ANKRD17: variants seen among roughly 807,000 people sequenced by gnomAD.
The protein encoded by ANKRD17 is ankyrin repeat domain-containing protein 17.
In ANKRD17, 19 loss-of-function variants were observed where a neutral mutation model predicts 229.7. The ratio of observed to expected loss-of-function variants is 0.08; its 90% confidence interval spans 0.06 to 0.12. The LOEUF (loss-of-function observed/expected upper bound fraction) is 0.12. Among genes scored for constraint, ANKRD17 ranks in the 10% least tolerant of loss-of-function variants. The pLI, the probability that ANKRD17 is intolerant of heterozygous loss-of-function variation, is 1.00. For synonymous variants in ANKRD17, 1,112 were observed against 1,146.1 expected, an observed-to-expected ratio of 0.97 and a Z score of 0.60; for missense variants, 2,176 against 3,176.8, an observed-to-expected ratio of 0.68 and a Z score of 7.57.
At chr4:73,100,746 G>A (rs1310531381) in intron 25 of ANKRD17, 2 of 656,318 alleles carry the variant, frequency 3.0e-6, no homozygotes, top group African/African-American at 2.0e-5. Flanking sequence ...TGACATAGAG[G>A]TATTTACCAT....
At position 73,135,385 on chromosome 4, in the gene ANKRD17, T is replaced by C. The variant is rs918971681; in HGVS notation, c.3086-120A>G. 9 of 874,680 alleles carry C rather than the reference T, an allele frequency of 1.0e-5. No homozygotes were observed. In the African/African-American group the frequency reaches 1.0e-4, roughly 10 times the overall value. 54.2% of individuals were successfully genotyped at this position (874,680 alleles called of 1,614,324 possible). On this transcript the variant is annotated intron_variant, in intron 15 of 33. Transcript: ENST00000358602. Reference sequence around the variant, plus strand: ...CAATATGTCTACAGGAAGACTACTATAGCACTAATAACTAATTTTCCTGGT... The same window carrying C: ...CAATATGTCTACAGGAAGACTACTACAGCACTAATAACTAATTTTCCTGGT...
chr4:73,111,361 G>T (rs1036528820), intron 24 of ANKRD17, among the ~76,000 whole-genome samples: 1 of 152,108 alleles, frequency 6.6e-6, no homozygotes, highest in Non-Finnish European at 1.5e-5. Context: ...ATAACTGAGG[G>T]CTACTAAGTG....
At chr4:73,157,175 T>C (rs1731775366) in intron 3 of ANKRD17, among the ~76,000 whole-genome samples, 1 of 152,170 alleles carries the variant, frequency 6.6e-6, no homozygotes, top group Non-Finnish European at 1.5e-5. Context: ...AATTAAAAAG[T>C]ATAAAATGTG....
Position 73,085,826 on chromosome 4 carries a change from TA to T in ANKRD17, c.6962-381del, listed in dbSNP as rs71711863. ...AGGATAGACTGCCTCTACAAAAAAT[TA>T]AAAAAAAAAAAAAATTAGCCAAGTT... On this transcript the variant is annotated intron_variant, in intron 29 of 33. Coordinates refer to ENST00000358602, the MANE Select transcript of ANKRD17 (RefSeq NM_032217.5). Among the ~76,000 whole-genome samples the T allele has an allele frequency of 2.0e-3, 282 of 143,034 alleles. 1 individual carries two copies. The highest frequency in any genetic ancestry group is 3.7e-3 in the African/African-American group (144 of 38,826). 93.8% of individuals were successfully genotyped at this position (143,034 alleles called of 152,430 possible).
intron 1 of ANKRD17, among the ~76,000 whole-genome samples, chr4:73,232,366 C>T (rs1296855604): frequency 6.6e-6 from 1 of 152,130 alleles, no homozygotes; most frequent in African/African-American, 2.4e-5. Flanking sequence ...AAAATGTCAT[C>T]TTATTTAGAG....
Position 73,077,433 on chromosome 4 carries a change from A to G in ANKRD17, c.7509T>C (p.Asp2503=), listed in dbSNP as rs374858881. 6.8e-6 allele frequency: 11 copies of G among 1,613,918 alleles called. 1 individual carries two copies. Among genetic ancestry groups the G allele is most frequent in the Non-Finnish European group, 1.7e-6 (2 of 1,179,886 alleles). Residue 2503 remains aspartate (D), a synonymous_variant, in exon 32 of 34, where the codon GAT becomes GAC. Transcript: ENST00000358602. ...VFSQHQAMER[D]STGIVTPSGT... is the part of the protein sequence containing the mutation. ...CAGAAGGAGTTACAATTCCTGTACT[A>G]TCTCGCTCCATTGCTTGATGTTGTG...
Position 73,221,323 on chromosome 4 carries a change from G to A in ANKRD17, c.393+36953C>T, listed in dbSNP as rs558157405. Among the ~76,000 whole-genome samples, 69 of 152,050 alleles carry A rather than the reference G, an allele frequency of 4.5e-4. 1 individual carries two copies. In the South Asian group the frequency reaches 0.012, roughly 27 times the overall value. Reference sequence around the variant, plus strand: ...AATCTTAACATGGTATTAAACAATTGAGATAATAAAAAGCCAGTTGTTCAG... The same window carrying A: ...AATCTTAACATGGTATTAAACAATTAAGATAATAAAAAGCCAGTTGTTCAG... On this transcript the variant is annotated intron_variant, in intron 1 of 33. Coordinates refer to ENST00000358602, the MANE Select transcript of ANKRD17 (RefSeq NM_032217.5).
intron 14 of ANKRD17, 56 bp from the exon 15 acceptor site, chr4:73,140,339 A>T: frequency 6.6e-7 from 1 of 1,515,190 alleles, no homozygotes; most frequent in Non-Finnish European, 8.8e-7. Flanking sequence ...CTCATTACAG[A>T]GTTACTGTTG....
chr4:73,157,380 A>G (rs1049348129), intron 3 of ANKRD17, among the ~76,000 whole-genome samples: 10 of 152,162 alleles, frequency 6.6e-5, no homozygotes, highest in Non-Finnish European at 1.3e-4. Context: ...AAAAAGCTAA[A>G]CTCAAGCAAA....
At chr4:73,204,356 G>T (rs1739145263) in intron 1 of ANKRD17, among the ~76,000 whole-genome samples, 1 of 72,632 alleles carries the variant, frequency 1.4e-5, no homozygotes, top group Non-Finnish European at 2.7e-5. Flanking sequence ...GTGAGACTCC[G>T]TCAAAAAAAA....
chr4:73,228,918 T>C (rs1742775355), intron 1 of ANKRD17, among the ~76,000 whole-genome samples: 2 of 152,038 alleles, frequency 1.3e-5, no homozygotes, highest in African/African-American at 2.4e-5. Context: ...ATTAAGAAAA[T>C]GTGGCACGTA....
chr4:73,184,444 A>T (rs529504950), intron 1 of ANKRD17, among the ~76,000 whole-genome samples: 2 of 148,276 alleles, frequency 1.3e-5, no homozygotes, highest in Non-Finnish European at 3.0e-5. Flanking sequence ...CAGGAGAATC[A>T]CTTGAATCTG....
chr4:73,193,021 T>C (rs1237702661), intron 1 of ANKRD17, among the ~76,000 whole-genome samples: 1 of 152,192 alleles, frequency 6.6e-6, no homozygotes, highest in African/African-American at 2.4e-5. Flanking sequence ...GAAAAATATA[T>C]AATCTACAAT....
At chr4:73,096,083 A>G (rs1488376187) in intron 27 of ANKRD17, among the ~76,000 whole-genome samples, 1 of 152,190 alleles carries the variant, frequency 6.6e-6, no homozygotes, top group Admixed American at 6.5e-5. Flanking sequence ...AGTTCAATAA[A>G]CAAGCAAATT....
intron 24 of ANKRD17, among the ~76,000 whole-genome samples, chr4:73,108,996 T>C (rs1299172218): frequency 2.0e-5 from 3 of 152,190 alleles, no homozygotes; most frequent in African/African-American, 4.8e-5. Context: ...ATGAAGGGAC[T>C]GGTTACCAAA....
At chr4:73,086,557 C>T (rs549671247) in intron 29 of ANKRD17, among the ~76,000 whole-genome samples, 5 of 148,606 alleles carry the variant, frequency 3.4e-5, no homozygotes, top group Admixed American at 3.3e-4. Context: ...GTTAAAAATA[C>T]AGAAAAAAAA....
Position 73,140,396 on chromosome 4 carries a change from C to T in ANKRD17, c.2333-113G>A, listed in dbSNP as rs75686646. On this transcript the variant is annotated intron_variant, in intron 14 of 33. Transcript: ENST00000358602. ...ATGCACTAAGTAATCATATCCATAA[C>T]AGGTGAAAATGCACTGTTAAAAAAT... 48 of 1,093,168 alleles carry T rather than the reference C, an allele frequency of 4.4e-5. No homozygotes were observed. In the East Asian group the frequency reaches 1.3e-3, roughly 30 times the overall value. The allele number at this position is 1,093,168 out of a possible 1,614,324, so 67.7% of individuals were successfully genotyped here.
At chr4:73,129,002 T>C (rs1578135897) in intron 16 of ANKRD17, among the ~76,000 whole-genome samples, 1 of 152,290 alleles carries the variant, frequency 6.6e-6, no homozygotes, top group African/African-American at 2.4e-5. Flanking sequence ...AAAGTACCAA[T>C]TAAAGGAAGA....
intron 1 of ANKRD17, among the ~76,000 whole-genome samples, chr4:73,194,133 C>T (rs920487001): frequency 5.3e-5 from 8 of 152,132 alleles, no homozygotes; most frequent in Middle Eastern, 3.4e-3. Flanking sequence ...TCCAAATTAT[C>T]GGGGGTTATT....
Sources: allele counts gnomAD v4.1 joint callset (sites outside exome capture counted in the v4.1 genomes callset), GRCh38; gene constraint gnomAD v4.1.1; transcripts MANE v1.5; gene names NCBI Gene and HGNC (gene_info 2026-07-23, HGNC 2026-07-21).